EPB41L4A: variants seen among roughly 807,000 people sequenced by gnomAD.
EPB41L4A encodes the protein band 4.1-like protein 4A.
A neutral mutation model predicts 108.6 loss-of-function variants in EPB41L4A; 100 were observed. The ratio of observed to expected loss-of-function variants is 0.92; its 90% CI spans 0.78 to 1.09. The LOEUF (loss-of-function observed/expected upper bound fraction) is 1.09, where lower values mean the gene tolerates loss of function less well. Ranked by LOEUF, EPB41L4A falls within the 50% of genes least tolerant of loss-of-function variation. EPB41L4A has a pLI of 0.00. For synonymous variants in EPB41L4A, 319 were observed against 289.0 expected (o/e 1.10, Z -1.05); for missense variants, 1,030 against 842.7 (o/e 1.22, Z -2.75).
chr5:112,405,077 A>G (rs1762000657), intron 1 of EPB41L4A, among the ~76,000 whole-genome samples: 1 of 152,180 alleles, frequency 6.6e-6, no homozygotes, highest in African/African-American at 2.4e-5. Flanking sequence ...GGTGTGACCA[A>G]AAAACTACAG....
At chr5:112,220,356 G>A (rs1223700828) in intron 12 of EPB41L4A, among the ~76,000 whole-genome samples, 1 of 152,146 alleles carries the variant, frequency 6.6e-6, no homozygotes, top group Non-Finnish European at 1.5e-5. Context: ...AAAAGGATAT[G>A]TCACTTGATA....
chr5:112,155,457 AG>A (rs1248892625), intron 12 of EPB41L4A, among the ~76,000 whole-genome samples: 6 of 152,156 alleles, frequency 3.9e-5, no homozygotes, highest in African/African-American at 7.2e-5. Flanking sequence ...CATATCCAAA[AG>A]CATCCTGAAT....
intron 1 of EPB41L4A, among the ~76,000 whole-genome samples, chr5:112,399,680 C>T (rs1312712994): frequency 1.3e-5 from 2 of 152,302 alleles, no homozygotes; most frequent in East Asian, 1.9e-4. Context: ...TCCTTAAATA[C>T]CACCAGGGTT....
chr5:112,166,365 TC>T (rs1468768685), intron 22 of EPB41L4A, among the ~76,000 whole-genome samples: 1 of 152,174 alleles, frequency 6.6e-6, no homozygotes, highest in Non-Finnish European at 1.5e-5. Context: ...AACAGTAAGA[TC>T]CAAACGCTTC....
At chr5:112,195,135 G>A (rs1761898548) in intron 16 of EPB41L4A, among the ~76,000 whole-genome samples, 1 of 152,074 alleles carries the variant, frequency 6.6e-6, no homozygotes, top group African/African-American at 2.4e-5. Flanking sequence ...TTAACCGACT[G>A]GTAGCTTCTG....
At position 112,325,572 on chromosome 5, in the gene EPB41L4A, G is replaced by C. The variant is rs935275114; in HGVS notation, c.100-18082C>G. Among the ~76,000 whole-genome samples the C allele has an allele frequency of 2.0e-5, 3 of 152,148 alleles. No individual in the cohort carries two copies. In the East Asian group the frequency reaches 5.8e-4, roughly 29 times the overall value. ...GTAAGAAGCTATTATTTTTCTTTATGCATCTCTGTATTATTTTTAACTTGT... is the reference window on the plus strand; with the variant it reads ...GTAAGAAGCTATTATTTTTCTTTATCCATCTCTGTATTATTTTTAACTTGT... On this transcript the variant is annotated intron_variant, in intron 1 of 22. Coordinates refer to ENST00000261486, the MANE Select transcript of EPB41L4A (RefSeq NM_022140.5).
intron 1 of EPB41L4A, among the ~76,000 whole-genome samples, chr5:112,377,261 A>T (rs1759881588): frequency 6.6e-6 from 1 of 151,888 alleles, no homozygotes; most frequent in African/African-American, 2.4e-5. Flanking sequence ...GAGATAATGG[A>T]AATGCTCTGT....
intron 12 of EPB41L4A, among the ~76,000 whole-genome samples, chr5:112,156,293 TAGG>T (rs1391418228): frequency 6.6e-6 from 1 of 151,998 alleles, no homozygotes; most frequent in Non-Finnish European, 1.5e-5. Flanking sequence ...GCTGAAACAT[TAGG>T]AGTATTGGCT....
chr5:112,226,172 A>G (rs976593267), intron 12 of EPB41L4A, among the ~76,000 whole-genome samples: 2 of 152,194 alleles, frequency 1.3e-5, no homozygotes. Flanking sequence ...TGGGGAACAT[A>G]TATTACTTTA....
intron 1 of EPB41L4A, among the ~76,000 whole-genome samples, chr5:112,367,442 TAC>T (rs1374522514): frequency 1.3e-5 from 2 of 152,212 alleles, no homozygotes; most frequent in Non-Finnish European, 2.9e-5. Context: ...ACTCACTGCT[TAC>T]ACAAACCTCC....
At chr5:112,368,264 A>G (rs751949809) in intron 1 of EPB41L4A, among the ~76,000 whole-genome samples, 1 of 152,086 alleles carries the variant, frequency 6.6e-6, no homozygotes, top group Non-Finnish European at 1.5e-5. Flanking sequence ...CTTGTAAAAT[A>G]TTCCCTCATC....
chr5:112,288,147 C>T (rs1249552345), intron 2 of EPB41L4A, among the ~76,000 whole-genome samples: 3 of 152,150 alleles, frequency 2.0e-5, no homozygotes, highest in African/African-American at 7.2e-5. Context: ...AGATTTAACA[C>T]CATGCCTCAT....
intron 1 of EPB41L4A, among the ~76,000 whole-genome samples, chr5:112,338,385 C>A (rs1389593363): frequency 6.6e-6 from 1 of 152,162 alleles, no homozygotes; most frequent in African/African-American, 2.4e-5. Flanking sequence ...TCGGCACTGT[C>A]TCAGACTGCC....
chr5:112,222,072 CTT>C (rs1399192467), intron 12 of EPB41L4A, among the ~76,000 whole-genome samples: 2 of 152,194 alleles, frequency 1.3e-5, no homozygotes, highest in Admixed American at 6.5e-5. Context: ...CCCCCTCTCT[CTT>C]GGCTAGGTAA....
chr5:112,151,185 G>T (rs1759450768), intron 12 of EPB41L4A, among the ~76,000 whole-genome samples: 1 of 152,006 alleles, frequency 6.6e-6, no homozygotes, highest in South Asian at 2.1e-4. Flanking sequence ...AGAGAATGAT[G>T]ATCAAAGAAG....
At chr5:112,345,268 T>C (rs1235166874) in intron 1 of EPB41L4A, among the ~76,000 whole-genome samples, 2 of 152,182 alleles carry the variant, frequency 1.3e-5, no homozygotes, top group African/African-American at 2.4e-5. Flanking sequence ...GAGAAAAAAG[T>C]TTTATGCAAT....
intron 9 of EPB41L4A, among the ~76,000 whole-genome samples, chr5:112,241,411 C>T (rs1160211889): frequency 6.6e-6 from 1 of 152,078 alleles, no homozygotes; most frequent in Admixed American, 6.6e-5. Flanking sequence ...ATAATACATG[C>T]TAATTATTTT....
intron 22 of EPB41L4A, among the ~76,000 whole-genome samples, chr5:112,167,939 G>A (rs1042619084): frequency 1.8e-4 from 28 of 152,354 alleles, no homozygotes; most frequent in African/African-American, 5.8e-4. Context: ...TTTATGGGAT[G>A]AGAGTCAGTA....
intron 6 of EPB41L4A, 86 bp from the exon 7 acceptor site, chr5:112,262,667 G>A: frequency 4.5e-6 from 5 of 1,103,152 alleles, no homozygotes; most frequent in East Asian, 4.8e-5. Flanking sequence ...TGTATTCAAT[G>A]GGAAAACAAA....
Sources: gnomAD v4.1 joint callset for allele counts (sites outside exome capture counted in the v4.1 genomes callset) on GRCh38, gnomAD v4.1.1 for gene constraint, MANE v1.5 for transcripts, NCBI Gene and HGNC (gene_info 2026-07-23, HGNC 2026-07-21) for gene names.